The following NTN1 variants were observed in gnomAD, a reference collection of about 807,000 sequenced individuals.
NTN1 encodes netrin-1.
NTN1 carries 11 observed loss-of-function variants against 54.2 expected under a neutral mutation model. That is an observed-to-expected ratio of 0.20 (90% CI 0.13 to 0.34). The LOEUF is 0.34. NTN1 is among the 10% of genes least tolerant of loss of function. NTN1 has a pLI of 1.00. For missense variants in NTN1, 740 were observed against 893.1 expected (o/e 0.83, Z 2.18); for synonymous variants, 371 against 382.0 (o/e 0.97, Z 0.33).
chr17:9,122,106 C>T (rs533192632), intron 2 of NTN1, among the ~76,000 whole-genome samples: 3 of 151,008 alleles, frequency 2.0e-5, no homozygotes, highest in Non-Finnish European at 4.4e-5. Flanking sequence ...GGCGCAATCT[C>T]GGCTCACTGC....
At chr17:9,124,429 G>A (rs1421963845) in intron 2 of NTN1, among the ~76,000 whole-genome samples, 11 of 152,234 alleles carry the variant, frequency 7.2e-5, no homozygotes, top group Admixed American at 7.2e-4. Context: ...GCAGGCCTGT[G>A]GGTGGGAAGC....
chr17:9,031,975 A>G (rs1170994138), intron 2 of NTN1, among the ~76,000 whole-genome samples: 1 of 142,696 alleles, frequency 7.0e-6, no homozygotes, highest in African/African-American at 2.7e-5. Flanking sequence ...ACAAAAAAAG[A>G]AGATAAAAAA....
chr17:9,133,112 GCCAGCTTCTAAGC>G (rs369868093), intron 2 of NTN1, among the ~76,000 whole-genome samples: 4 of 152,198 alleles, frequency 2.6e-5, no homozygotes, highest in Non-Finnish European at 5.9e-5. Flanking sequence ...CGAGAGCCCT[GCCAGCTTCTAAGC>G]CTGGGCAACT....
intron 5 of NTN1, among the ~76,000 whole-genome samples, chr17:9,188,732 C>T (rs1362489694): frequency 6.6e-6 from 1 of 152,160 alleles, no homozygotes; most frequent in Non-Finnish European, 1.5e-5. Context: ...ACCCTCTCTC[C>T]CCTTTTGGAG....
intron 2 of NTN1, among the ~76,000 whole-genome samples, chr17:9,062,409 TG>T (rs2092001688): frequency 6.6e-6 from 1 of 152,204 alleles, no homozygotes; most frequent in Admixed American, 6.5e-5. Flanking sequence ...AATGTCAGGC[TG>T]TATGATAATT....
rs552613779 is a variant in NTN1 at position 9,054,795 on chromosome 17, C to T, written c.1018+31404C>T. Among the ~76,000 whole-genome samples, 25 of 152,122 alleles carry T rather than the reference C, an allele frequency of 1.6e-4. No individual in the cohort carries two copies. In the South Asian group the frequency reaches 5.2e-3, roughly 32 times the overall value. On this transcript the variant is annotated intron_variant, in intron 2 of 6. Transcript: ENST00000173229. ...GTCCGTCCATCAGGAACACAAGTCC[C>T]CAGCCGGGCAGCACAGCGAAAGCTT...
intron 2 of NTN1, among the ~76,000 whole-genome samples, chr17:9,036,126 G>T (rs940161216): frequency 3.3e-5 from 5 of 152,208 alleles, no homozygotes; most frequent in Non-Finnish European, 7.3e-5. Flanking sequence ...CTCCCAGGGT[G>T]CTGGGATTAC....
intron 2 of NTN1, among the ~76,000 whole-genome samples, chr17:9,137,318 G>A (rs72811941): frequency 0.055 from 8,306 of 152,188 alleles, 290 homozygotes; most frequent in Middle Eastern, 0.095. Context: ...GTAATGATGC[G>A]AAGCTGGTGG....
chr17:9,059,780 T>C (rs1474242799), intron 2 of NTN1, among the ~76,000 whole-genome samples: 1 of 151,022 alleles, frequency 6.6e-6, no homozygotes, highest in Non-Finnish European at 1.5e-5. Context: ...CACCGGATTG[T>C]CTATTTTAAA....
chr17:9,097,424 ACCAG>A (rs888016626), intron 2 of NTN1, among the ~76,000 whole-genome samples: 5 of 152,208 alleles, frequency 3.3e-5, no homozygotes, highest in African/African-American at 1.2e-4. Flanking sequence ...GGAGTTCAAG[ACCAG>A]CCTGGCCAAC....
At chr17:9,066,645 A>G (rs780449244) in intron 2 of NTN1, among the ~76,000 whole-genome samples, 22 of 151,060 alleles carry the variant, frequency 1.5e-4, no homozygotes, top group African/African-American at 3.9e-4. Flanking sequence ...AAAAAATTCA[A>G]TAGCAGATAT....
rs527854751 is a variant in NTN1 at position 9,221,222 on chromosome 17, A to G, written c.1466A>G (p.Lys489Arg). Residue 489 changes from lysine to arginine, a missense_variant, in exon 6 of 7, where the codon AAG (lysine) becomes AGG (arginine). By Grantham distance (26) the Lys-to-Arg change is conservative. Transcript: ENST00000173229. This position sits in a 1 kb window ranked among gnomAD's most constrained non-coding sequence, Gnocchi z 4.5. ...GGGAAGCTGAAGATTAACATGAAAA[A>G]GTACTGCAAGAAGGACTATGGTGAG... ...SKGKLKINMK[K>R]YCKKDYAVQI... The G allele has an allele frequency of 1.4e-4, 230 of 1,613,482 alleles. No homozygotes were observed. The highest frequency in any genetic ancestry group is 8.0e-4 in the South Asian group (73 of 91,044).
intron 5 of NTN1, among the ~76,000 whole-genome samples, chr17:9,193,920 T>TAAAA (rs71361871): frequency 0.014 from 641 of 44,826 alleles, 50 homozygotes; most frequent in African/African-American, 0.06. Flanking sequence ...AAACTCCGAC[T>TAAAA]AAAAAAAAAA....
intron 2 of NTN1, among the ~76,000 whole-genome samples, chr17:9,156,033 A>T (rs1306336834): frequency 6.6e-6 from 1 of 152,138 alleles, no homozygotes; most frequent in South Asian, 2.1e-4. Flanking sequence ...CCCAGGAGCC[A>T]TGGACTTACC....
intron 3 of NTN1, among the ~76,000 whole-genome samples, chr17:9,179,349 C>T (rs2092410987): frequency 6.6e-6 from 1 of 152,186 alleles, no homozygotes; most frequent in Non-Finnish European, 1.5e-5. Context: ...CCTCAAACCC[C>T]ACTCCTCCCA....
chr17:9,138,852 C>G (rs554190467), intron 2 of NTN1, among the ~76,000 whole-genome samples: 1 of 152,086 alleles, frequency 6.6e-6, no homozygotes, highest in South Asian at 2.1e-4. Context: ...GGCTGACCTT[C>G]CCACAAGGTG....
chr17:9,172,806 G>C (rs1394561603), intron 3 of NTN1: 1 of 151,536 alleles, frequency 6.6e-6, no homozygotes, highest in African/African-American at 2.4e-5. Context: ...GAGGTCAGGA[G>C]GCTGAGGCAG....
At chr17:9,032,005 A>G (rs1418292319) in intron 2 of NTN1, among the ~76,000 whole-genome samples, 1 of 152,050 alleles carries the variant, frequency 6.6e-6, no homozygotes, top group African/African-American at 2.4e-5. Context: ...AAGAAATGTA[A>G]AGTGGATGCC....
rs35308916 is a variant in NTN1 at position 9,194,235 on chromosome 17, C to CAA, written c.1411+11276_1411+11277dup. 3.4e-3 allele frequency among the ~76,000 whole-genome samples: 502 copies of CAA among 148,892 alleles called. 4 individuals carry two copies. Among genetic ancestry groups the CAA allele is most frequent in the African/African-American group, 0.011 (459 of 40,454 alleles). On this transcript the variant is annotated intron_variant, in intron 5 of 6. Coordinates refer to ENST00000173229, the MANE Select transcript of NTN1 (RefSeq NM_004822.3). ...TGGGCAATAGAGCCAGACTCTGTCT[C>CAA]AAAAAAAAAAATTATGCAATGTTGT...
Sources: gnomAD v4.1 joint callset for allele counts (sites outside exome capture counted in the v4.1 genomes callset) on GRCh38, gnomAD v4.1.1 for gene constraint, Gnocchi (gnomAD v3.1) non-coding constraint, MANE v1.5 for transcripts, NCBI Gene and HGNC (gene_info 2026-07-23, HGNC 2026-07-21) for gene names.